The following DPP6 variants were observed in gnomAD, a reference collection of about 807,000 sequenced individuals.
The protein encoded by DPP6 is dipeptidyl peptidase like 6.
A neutral mutation model predicts 122.6 loss-of-function variants in DPP6; 69 were observed. That is an observed-to-expected ratio of 0.56 (90% CI 0.46 to 0.69). The LOEUF (loss-of-function observed/expected upper bound fraction) is 0.69. Among genes scored for constraint, DPP6 ranks in the 30% least tolerant of loss-of-function variants. DPP6 has a pLI of 0.00. For missense variants in DPP6, 928 were observed against 1,116.9 expected (o/e 0.83, Z 2.41); for synonymous variants, 418 against 433.1 (o/e 0.97, Z 0.43).
chr7:154,714,640 TCTCCACCTGGTCCCTCC>T (rs949801006), intron 7 of DPP6, among the ~76,000 whole-genome samples: 2 of 152,082 alleles, frequency 1.3e-5, no homozygotes, highest in African/African-American at 4.8e-5. Flanking sequence ...GATTCAATTA[TCTCCACCTGGTCCCTCC>T]CAAGACACAT....
intron 5 of DPP6, among the ~76,000 whole-genome samples, chr7:154,623,645 G>A (rs118195906): frequency 0.081 from 5,104 of 62,858 alleles, 121 homozygotes; most frequent in Middle Eastern, 0.22. Context: ...GCACACACGC[G>A]CACACACGCG....
chr7:153,875,684 A>G, the DPP6 span, among the ~76,000 whole-genome samples: 3,966 of 152,068 alleles, frequency 0.026, 148 homozygotes, highest in African/African-American at 0.09. Flanking sequence ...GTAAACACTG[A>G]AAGAATAATA....
chr7:153,759,972 T>A, the DPP6 span, among the ~76,000 whole-genome samples: 1 of 117,702 alleles, frequency 8.5e-6, no homozygotes, highest in Non-Finnish European at 1.8e-5. Context: ...TGTTTCTGTA[T>A]CTCTCTCTCT....
chr7:153,914,909 C>T (rs1262748932), intron 1 of DPP6, among the ~76,000 whole-genome samples: 1 of 152,218 alleles, frequency 6.6e-6, no homozygotes, highest in Non-Finnish European at 1.5e-5. Flanking sequence ...CTCCCAGTCT[C>T]ATCCATAACT....
At chr7:154,680,226 A>C (rs1839197987) in intron 7 of DPP6, among the ~76,000 whole-genome samples, 1 of 152,186 alleles carries the variant, frequency 6.6e-6, no homozygotes, top group African/African-American at 2.4e-5. Flanking sequence ...ACTCTGTGTA[A>C]ATGGAGGAGG....
intron 5 of DPP6, among the ~76,000 whole-genome samples, chr7:154,634,443 G>A (rs886616705): frequency 1.1e-4 from 17 of 152,058 alleles, no homozygotes; most frequent in Middle Eastern, 3.4e-3. Context: ...CCTACCCAAA[G>A]GATTATAAAT....
chr7:154,573,031 A>G (rs1831230210), intron 5 of DPP6, among the ~76,000 whole-genome samples: 1 of 152,076 alleles, frequency 6.6e-6, no homozygotes, highest in Non-Finnish European at 1.5e-5. Context: ...TATTGTTATA[A>G]TATGGTTCTG....
intron 1 of DPP6, among the ~76,000 whole-genome samples, chr7:153,901,516 C>T (rs1799638043): frequency 1.3e-5 from 2 of 152,162 alleles, no homozygotes; most frequent in Non-Finnish European, 2.9e-5. Flanking sequence ...CATAAAGCAA[C>T]ACAGAAGAAG....
At chr7:154,004,453 G>T (rs1393565745) in intron 1 of DPP6, among the ~76,000 whole-genome samples, 1 of 151,796 alleles carries the variant, frequency 6.6e-6, no homozygotes, top group African/African-American at 2.4e-5. Context: ...GTTAGATCAG[G>T]CATAATATAT....
chr7:154,586,129 T>C (rs1832430330), intron 5 of DPP6, among the ~76,000 whole-genome samples: 1 of 152,008 alleles, frequency 6.6e-6, no homozygotes, highest in Non-Finnish European at 1.5e-5. Flanking sequence ...TGACCCTCGT[T>C]GCCACCGTCT....
intron 1 of DPP6, among the ~76,000 whole-genome samples, chr7:154,381,649 G>C (rs1468085563): frequency 2.0e-5 from 3 of 152,190 alleles, no homozygotes; most frequent in Non-Finnish European, 4.4e-5. Context: ...TCCGAAAAAT[G>C]CTGGTTTCAG....
At chr7:154,088,047 T>G (rs1332291239) in intron 1 of DPP6, among the ~76,000 whole-genome samples, 1 of 152,122 alleles carries the variant, frequency 6.6e-6, no homozygotes, top group Non-Finnish European at 1.5e-5. Flanking sequence ...TGTCCCTCAT[T>G]GGAATCTACC....
At chr7:154,259,749 C>G (rs1031867670) in intron 1 of DPP6, among the ~76,000 whole-genome samples, 1 of 152,200 alleles carries the variant, frequency 6.6e-6, no homozygotes, top group Non-Finnish European at 1.5e-5. Context: ...CTGTATCTTA[C>G]AGCCCATTCT....
chr7:154,024,691 T>C (rs1166781622), intron 1 of DPP6, among the ~76,000 whole-genome samples: 1 of 152,162 alleles, frequency 6.6e-6, no homozygotes, highest in Non-Finnish European at 1.5e-5. Context: ...TAATTCTTGT[T>C]TAGGGTTTAT....
intron 1 of DPP6, among the ~76,000 whole-genome samples, chr7:154,173,308 A>C (rs1423700997): frequency 1.3e-5 from 2 of 152,210 alleles, no homozygotes; most frequent in African/African-American, 4.8e-5. Context: ...AACATTCTAA[A>C]TGGAATCTAT....
At position 154,574,681 on chromosome 7, in the gene DPP6, G is replaced by A. The variant is rs1831388079; in HGVS notation, c.627+7765G>A. 7.4e-5 allele frequency among the ~76,000 whole-genome samples: 8 copies of A among 108,772 alleles called. No individual in the cohort carries two copies. In the South Asian group the frequency reaches 2.3e-3, roughly 31 times the overall value. 71.4% of individuals were successfully genotyped at this position (108,772 alleles called of 152,430 possible). A position where few individuals can be genotyped will look rare whatever the true frequency, so the allele number is the denominator to read the frequency against. On this transcript the variant is annotated intron_variant, in intron 5 of 25. Coordinates refer to ENST00000377770, the MANE Select transcript of DPP6 (RefSeq NM_130797.4). ...GTTTGTGTATGTGTGTGGTGTGTGT[G>A]GTATATGTATATGTGTGTGGTGTGT...
chr7:154,819,276 G>A (rs113024815), intron 16 of DPP6, among the ~76,000 whole-genome samples: 32 of 152,302 alleles, frequency 2.1e-4, no homozygotes, highest in East Asian at 3.9e-4. Flanking sequence ...TTAGCTGGAC[G>A]TGATGGCACG....
intron 1 of DPP6, among the ~76,000 whole-genome samples, chr7:154,398,706 C>T (rs1815311715): frequency 6.6e-6 from 1 of 152,148 alleles, no homozygotes; most frequent in South Asian, 2.1e-4. Flanking sequence ...GGTGCATTCA[C>T]ACATCACTTG....
the DPP6 span, among the ~76,000 whole-genome samples, chr7:153,764,570 T>TA: frequency 6.6e-6 from 1 of 152,008 alleles, no homozygotes; most frequent in Non-Finnish European, 1.5e-5. Context: ...ATGTGACAAA[T>TA]ACACAAAGCC....
Sources: allele counts gnomAD v4.1 joint callset (sites outside exome capture counted in the v4.1 genomes callset), GRCh38; gene constraint gnomAD v4.1.1; transcripts MANE v1.5; gene names NCBI Gene and HGNC (gene_info 2026-07-23, HGNC 2026-07-21).